The following UVRAG variants were observed in gnomAD, a reference collection of about 807,000 sequenced individuals.
UVRAG encodes UV radiation resistance-associated gene protein.
Under a neutral mutation model 78.0 loss-of-function variants are expected in UVRAG, and 19 were observed. The observed-to-expected ratio is 0.24, with a 90% confidence interval of 0.17 to 0.36. The LOEUF (loss-of-function observed/expected upper bound fraction) is 0.36, where lower values mean the gene tolerates loss of function less well. Ranked by LOEUF, UVRAG falls within the 10% of genes least tolerant of loss-of-function variation. The probability of loss-of-function intolerance (pLI) is 1.00; values close to 1 mark genes in which losing one functional copy is unlikely to be tolerated. For synonymous variants in UVRAG, 323 were observed against 324.6 expected (o/e 1.00, Z 0.05); for missense variants, 740 against 853.8 (o/e 0.87, Z 1.66).
chr11:75,837,154 C>G (rs577498507), intron 1 of UVRAG, among the ~76,000 whole-genome samples: 55 of 151,946 alleles, frequency 3.6e-4, no homozygotes, highest in Non-Finnish European at 6.6e-4. Flanking sequence ...AGGGTGAAAC[C>G]CCATCCACTA....
intron 5 of UVRAG, 86 bp downstream of exon 5, chr11:75,888,989 CTG>C (rs1314079189): frequency 7.3e-6 from 8 of 1,098,502 alleles, no homozygotes; most frequent in Middle Eastern, 2.1e-4. Context: ...CCTGAAAACT[CTG>C]TGTAAATAGA....
Position 76,065,384 on chromosome 11 carries a change from G to T in UVRAG, c.1227-326G>T, listed in dbSNP as rs564192073. 4.6e-5 allele frequency among the ~76,000 whole-genome samples: 7 copies of T among 152,276 alleles called. No homozygotes were observed. In the South Asian group the frequency reaches 1.0e-3, roughly 23 times the overall value. ...AAGATATTAGAGGGAAAAATTTCTG[G>T]TATCTTAATCTTAGCTAAGGTGGCA... On this transcript the variant is annotated intron_variant, in intron 12 of 14. Transcript: ENST00000356136.
At chr11:76,138,966 T>C (rs751992553) in intron 14 of UVRAG, among the ~76,000 whole-genome samples, 2 of 152,238 alleles carry the variant, frequency 1.3e-5, no homozygotes, top group Non-Finnish European at 1.5e-5. Context: ...GGGCAACATA[T>C]TAACTATAAA....
intron 8 of UVRAG, among the ~76,000 whole-genome samples, chr11:75,998,009 CT>C (rs1162518213): frequency 6.6e-6 from 1 of 152,166 alleles, no homozygotes; most frequent in African/African-American, 2.4e-5. Flanking sequence ...AGTGACTGGA[CT>C]TTTATCGCCA....
chr11:75,983,278 G>C (rs1482292271), intron 7 of UVRAG, 109 bp from the exon 8 acceptor site: 2 of 1,002,050 alleles, frequency 2.0e-6, no homozygotes, highest in African/African-American at 3.3e-5. Flanking sequence ...AGTTTGATGA[G>C]TATTAAAATG....
rs1248618108 is a variant in UVRAG, at chr11:76,143,216, G to A, written c.*1803G>A. ...GAAAAGTTCTGAAGGGCAGTGTTAG[G>A]ATTGCAGAATGGAAGGTCAACCCCG... is the stretch of plus-strand genomic sequence containing the variant. On this transcript the variant is annotated 3_prime_UTR_variant, in exon 15 of 15. Transcript: ENST00000356136. The A allele has an allele frequency of 6.6e-6, 1 of 152,258 alleles. No individual in the cohort carries two copies. The highest frequency in any genetic ancestry group is 2.4e-5 in the African/African-American group (1 of 41,460). 9.4% of individuals were successfully genotyped at this position (152,258 alleles called of 1,614,324 possible). A position where few individuals can be genotyped will look rare whatever the true frequency, so the allele number is the denominator to read the frequency against.
At chr11:76,068,213 G>A (rs889746646) in intron 13 of UVRAG, among the ~76,000 whole-genome samples, 1 of 152,180 alleles carries the variant, frequency 6.6e-6, no homozygotes, top group African/African-American at 2.4e-5. Flanking sequence ...GACCAAGATG[G>A]AGGCTATGTG....
chr11:76,072,812 AC>A (rs1336762978), intron 13 of UVRAG, among the ~76,000 whole-genome samples: 2 of 152,172 alleles, frequency 1.3e-5, no homozygotes, highest in Non-Finnish European at 2.9e-5. Flanking sequence ...GAGTGTGCCA[AC>A]TGTACAGAAT....
intron 12 of UVRAG, among the ~76,000 whole-genome samples, chr11:76,048,451 G>A (rs545326428): frequency 1.3e-5 from 2 of 152,246 alleles, no homozygotes; most frequent in East Asian, 3.9e-4. Context: ...GGTCAGAAAT[G>A]GTAAAAACTT....
At chr11:76,057,653 G>A (rs7113414) in intron 12 of UVRAG, among the ~76,000 whole-genome samples, 14,188 of 151,876 alleles carry the variant, frequency 0.093, 1,500 homozygotes, top group African/African-American at 0.26. Flanking sequence ...TGCTTTCACA[G>A]CATTACCATC....
chr11:75,831,509 A>AC lies in UVRAG; in HGVS notation c.117+15985_117+15986insC, dbSNP rs1565335694. The stretch of plus-strand genomic sequence containing the variant: ...TTCTCAAAAAACAAACAAACAAAAA[A>AC]AAAAAACAAAACTAGTGGGTAAGAC... On this transcript the variant is annotated intron_variant, in intron 1 of 14. Transcript: ENST00000356136. Among the ~76,000 whole-genome samples, 1,492 of 152,112 alleles carry AC rather than the reference A, an allele frequency of 9.8e-3. 31 individuals are homozygous for AC. Among genetic ancestry groups the AC allele is most frequent in the African/African-American group, 0.035 (1,437 of 41,496 alleles).
chr11:76,016,747 A>G, intron 11 of UVRAG, 68 bp from the exon 12 acceptor site: 1 of 1,302,924 alleles, frequency 7.7e-7, no homozygotes, highest in Non-Finnish European at 1.0e-6. Context: ...TTTGAAAATT[A>G]TTTATTATCT....
intron 14 of UVRAG, among the ~76,000 whole-genome samples, chr11:76,119,491 C>CCCT (rs1952238897): frequency 6.6e-6 from 1 of 152,142 alleles, no homozygotes; most frequent in Non-Finnish European, 1.5e-5. Context: ...CTTGACTCTG[C>CCCT]CCCTGGGAGT....
intron 7 of UVRAG, among the ~76,000 whole-genome samples, chr11:75,970,599 C>T (rs1056558004): frequency 5.9e-5 from 9 of 151,724 alleles, no homozygotes; most frequent in South Asian, 2.1e-4. Flanking sequence ...CGGGCGTGGT[C>T]GCGGGCGCCT....
intron 14 of UVRAG, among the ~76,000 whole-genome samples, chr11:76,128,352 C>A (rs1202142417): frequency 6.6e-6 from 1 of 152,160 alleles, no homozygotes; most frequent in African/African-American, 2.4e-5. Context: ...GAAACCAGCC[C>A]CCCTGCCCAC....
chr11:75,887,115 G>A (rs1272694260), intron 4 of UVRAG, among the ~76,000 whole-genome samples: 1 of 150,260 alleles, frequency 6.7e-6, no homozygotes, highest in Non-Finnish European at 1.5e-5. Context: ...AATTACAGAT[G>A]TGCACTGCCA....
chr11:75,894,596 AC>A (rs1364089223), intron 5 of UVRAG, among the ~76,000 whole-genome samples: 1 of 151,996 alleles, frequency 6.6e-6, no homozygotes, highest in Non-Finnish European at 1.5e-5. Context: ...GTGTTGGCTC[AC>A]ACCTGTAATC....
chr11:75,893,595 T>G (rs1229315643), intron 5 of UVRAG, among the ~76,000 whole-genome samples: 1 of 150,962 alleles, frequency 6.6e-6, no homozygotes, highest in Non-Finnish European at 1.5e-5. Context: ...TATTAATTGT[T>G]TCTAGTAAAC....
chr11:76,093,561 A>G (rs1322611057), intron 13 of UVRAG, among the ~76,000 whole-genome samples: 2 of 152,216 alleles, frequency 1.3e-5, no homozygotes, highest in Non-Finnish European at 2.9e-5. Flanking sequence ...TTCTCCTTGA[A>G]GAGGTCCTTC....
Sources: gnomAD v4.1 joint callset for allele counts (sites outside exome capture counted in the v4.1 genomes callset) on GRCh38, gnomAD v4.1.1 for gene constraint, MANE v1.5 for transcripts, NCBI Gene and HGNC (gene_info 2026-07-23, HGNC 2026-07-21) for gene names.